AGBL4: variants seen among roughly 807,000 people sequenced by gnomAD.
AGBL4 encodes the protein AGBL carboxypeptidase 4, also known as cytosolic carboxypeptidase 6.
A neutral mutation model predicts 66.4 loss-of-function variants in AGBL4; 58 were observed. The ratio of observed to expected loss-of-function variants is 0.87; its 90% CI spans 0.71 to 1.09. AGBL4 has a LOEUF of 1.09. AGBL4 is among the 50% of genes least tolerant of loss of function. The pLI is 0.00. For synonymous variants in AGBL4, 234 were observed against 222.9 expected (o/e 1.05, Z -0.44); for missense variants, 579 against 631.0 (o/e 0.92, Z 0.88).
chr1:49,207,546 C>CTCTTTCTT (rs1648295007), intron 4 of AGBL4, among the ~76,000 whole-genome samples: 1 of 76,132 alleles, frequency 1.3e-5, no homozygotes, highest in African/African-American at 5.9e-5. Flanking sequence ...TCTTTCTTTT[C>CTCTTTCTT]TTTCTTTCTT....
intron 3 of AGBL4, among the ~76,000 whole-genome samples, chr1:49,520,333 C>T (rs1290612787): frequency 6.6e-6 from 1 of 151,946 alleles, no homozygotes; most frequent in East Asian, 1.9e-4. Context: ...AACAACCCTG[C>T]AAAACTGAAA....
intron 3 of AGBL4, among the ~76,000 whole-genome samples, chr1:49,330,512 T>C (rs547392764): frequency 1.3e-4 from 20 of 152,354 alleles, no homozygotes; most frequent in African/African-American, 4.3e-4. Context: ...ATTTGTCTTT[T>C]AGGCTCCAAG....
chr1:48,641,889 A>T (rs1645761828), intron 8 of AGBL4, among the ~76,000 whole-genome samples: 1 of 152,178 alleles, frequency 6.6e-6, no homozygotes, highest in Non-Finnish European at 1.5e-5. Flanking sequence ...GTGCAGTGAG[A>T]GGTAGATGCA....
At chr1:49,445,521 G>T (rs538719460) in intron 3 of AGBL4, among the ~76,000 whole-genome samples, 3 of 151,894 alleles carry the variant, frequency 2.0e-5, no homozygotes, top group South Asian at 4.2e-4. Flanking sequence ...TATCACAAAG[G>T]CTTCCTCATT....
intron 2 of AGBL4, among the ~76,000 whole-genome samples, chr1:49,833,835 A>G (rs900666009): frequency 2.0e-4 from 31 of 152,108 alleles, no homozygotes; most frequent in African/African-American, 7.2e-4. Flanking sequence ...ATTTTTGTAC[A>G]TTGATTTTGT....
chr1:49,098,269 G>A (rs761832078), intron 4 of AGBL4, among the ~76,000 whole-genome samples: 5 of 152,248 alleles, frequency 3.3e-5, no homozygotes, highest in Non-Finnish European at 7.3e-5. Context: ...TGGAGTACAT[G>A]TGTTGTATCT....
intron 3 of AGBL4, among the ~76,000 whole-genome samples, chr1:49,418,542 C>A (rs759492451): frequency 2.6e-5 from 4 of 152,074 alleles, no homozygotes; most frequent in Admixed American, 6.6e-5. Flanking sequence ...ACAACAACAA[C>A]AAAAAACCAA....
intron 4 of AGBL4, among the ~76,000 whole-genome samples, chr1:49,187,855 T>A (rs1647042608): frequency 6.6e-6 from 1 of 152,122 alleles, no homozygotes; most frequent in South Asian, 2.1e-4. Context: ...CCCACCCAAA[T>A]CTCATCTTAA....
intron 1 of AGBL4, among the ~76,000 whole-genome samples, chr1:49,913,671 G>A (rs1258922531): frequency 6.6e-6 from 1 of 152,278 alleles, no homozygotes; most frequent in Non-Finnish European, 1.5e-5. Flanking sequence ...TGCACCTGCA[G>A]CAGGTTGCTG....
chr1:49,655,859 A>G (rs1268852115), intron 3 of AGBL4, among the ~76,000 whole-genome samples: 1 of 152,156 alleles, frequency 6.6e-6, no homozygotes, highest in African/African-American at 2.4e-5. Flanking sequence ...AAAAAATCAT[A>G]AAGGGGGTGC....
chr1:49,184,888 A>G (rs1422821163), intron 4 of AGBL4, among the ~76,000 whole-genome samples: 1 of 152,208 alleles, frequency 6.6e-6, no homozygotes, highest in Non-Finnish European at 1.5e-5. Context: ...TAAAATTGCC[A>G]TGAGATTTAA....
At chr1:49,840,823 A>T (rs2148038965) in intron 2 of AGBL4, among the ~76,000 whole-genome samples, 1 of 152,336 alleles carries the variant, frequency 6.6e-6, no homozygotes, top group Middle Eastern at 3.4e-3. Context: ...AACCCTCAAC[A>T]GGCAGACTTG....
chr1:49,445,581 C>T (rs1422659665), intron 3 of AGBL4, among the ~76,000 whole-genome samples: 1 of 151,756 alleles, frequency 6.6e-6, no homozygotes, highest in Non-Finnish European at 1.5e-5. Flanking sequence ...TTGGTGTAAC[C>T]AGGTGATTTC....
chr1:49,741,295 A>T (rs1454457015), intron 2 of AGBL4, among the ~76,000 whole-genome samples: 2 of 152,214 alleles, frequency 1.3e-5, no homozygotes, highest in Non-Finnish European at 2.9e-5. Flanking sequence ...GAACTAGAAA[A>T]TCTAGAAGAA....
chr1:49,971,914 T>TTTTTTTTG (rs1658141887), intron 1 of AGBL4, among the ~76,000 whole-genome samples: 1 of 91,536 alleles, frequency 1.1e-5, no homozygotes, highest in Non-Finnish European at 2.3e-5. Context: ...TGGGTTTTTT[T>TTTTTTTTG]TTTTTTTTTT....
At chr1:49,623,782 A>G (rs1289015629) in intron 3 of AGBL4, among the ~76,000 whole-genome samples, 2 of 152,216 alleles carry the variant, frequency 1.3e-5, no homozygotes, top group Non-Finnish European at 2.9e-5. Context: ...AAGGACTAGG[A>G]CTACCACTTT....
chr1:49,284,489 T>A (rs370579704), intron 3 of AGBL4, among the ~76,000 whole-genome samples: 7 of 151,604 alleles, frequency 4.6e-5, no homozygotes, highest in Non-Finnish European at 8.8e-5. Flanking sequence ...ACCAGCTAAC[T>A]TCATAATGAC....
intron 4 of AGBL4, 66 bp downstream of exon 4, chr1:49,245,704 G>A: frequency 8.7e-7 from 1 of 1,150,418 alleles, no homozygotes. Flanking sequence ...TAGTAGGTGT[G>A]TATATGTATG....
intron 11 of AGBL4, among the ~76,000 whole-genome samples, chr1:48,542,718 C>T (rs1314774537): frequency 6.6e-6 from 1 of 152,044 alleles, no homozygotes; most frequent in East Asian, 1.9e-4. Flanking sequence ...GTTTAAGTTC[C>T]TTGTAGATTC....
Sources: gnomAD v4.1 joint callset for allele counts (sites outside exome capture counted in the v4.1 genomes callset) on GRCh38, gnomAD v4.1.1 for gene constraint, MANE v1.5 for transcripts, NCBI Gene and HGNC (gene_info 2026-07-23, HGNC 2026-07-21) for gene names.